Variants in GLRA3 observed in about 807,000 individuals in gnomAD.
GLRA3 encodes the protein glycine receptor alpha 3.
Under a neutral mutation model 60.4 loss-of-function variants are expected in GLRA3, and 44 were observed. The ratio of observed to expected loss-of-function variants is 0.73; its 90% CI spans 0.57 to 0.94. The LOEUF (loss-of-function observed/expected upper bound fraction) is 0.94, where lower values mean the gene tolerates loss of function less well. Ranked by LOEUF, GLRA3 falls within the 40% of genes least tolerant of loss-of-function variation. The pLI, the probability that GLRA3 is intolerant of heterozygous loss-of-function variation, is 0.00. For missense variants in GLRA3, 508 were observed against 564.6 expected (o/e 0.90, Z 1.02); for synonymous variants, 223 against 192.9 (o/e 1.16, Z -1.29).
chr4:174,751,910 T>C (rs1737504028), intron 3 of GLRA3, among the ~76,000 whole-genome samples: 1 of 152,014 alleles, frequency 6.6e-6, no homozygotes. Flanking sequence ...GGGAGGGCAA[T>C]TAGGGAAAAG....
chr4:174,728,304 G>A (rs1227144964), intron 4 of GLRA3, among the ~76,000 whole-genome samples, 171 bp downstream of exon 4: 16 of 152,028 alleles, frequency 1.1e-4, no homozygotes, highest in Admixed American at 1.0e-3. Flanking sequence ...CTGGAACTTG[G>A]GTCTGTTATT....
intron 7 of GLRA3, among the ~76,000 whole-genome samples, chr4:174,663,914 T>C (rs992466837): frequency 1.3e-5 from 2 of 152,220 alleles, no homozygotes; most frequent in African/African-American, 4.8e-5. Flanking sequence ...ATCCTAGTTC[T>C]ATATTCTGGA....
rs1370740758 is a variant in GLRA3, at chr4:174,767,079, C to T, written c.200-49G>A. The T allele has an allele frequency of 3.3e-6, 3 of 921,736 alleles. No individual in the cohort carries two copies. In the African/African-American group the frequency reaches 4.9e-5, roughly 15 times the overall value. 57.1% of individuals were successfully genotyped at this position (921,736 alleles called of 1,614,324 possible). Reference sequence around the variant, plus strand: ...GGGCTGTTTAGAGACTTATCTAAAACATTTTCAAATAATTCCTTGCATTCC... The same window carrying T: ...GGGCTGTTTAGAGACTTATCTAAAATATTTTCAAATAATTCCTTGCATTCC... On this transcript the variant is annotated intron_variant, in intron 2 of 9. Transcript: ENST00000274093.
chr4:174,801,502 ATTCC>A (rs1257549109), intron 1 of GLRA3, among the ~76,000 whole-genome samples: 2 of 152,138 alleles, frequency 1.3e-5, no homozygotes, highest in African/African-American at 2.4e-5. Context: ...CTCTTTCTGC[ATTCC>A]TTTCAAACTT....
intron 1 of GLRA3, 94 bp downstream of exon 1, chr4:174,828,647 A>T (rs1418993274): frequency 1.3e-6 from 1 of 769,820 alleles, no homozygotes; most frequent in African/African-American, 1.7e-5. Context: ...TCAATATAGA[A>T]TTGCAAATTT....
At chr4:174,808,078 G>A (rs1344058612) in intron 1 of GLRA3, among the ~76,000 whole-genome samples, 1 of 152,052 alleles carries the variant, frequency 6.6e-6, no homozygotes, top group Non-Finnish European at 1.5e-5. Context: ...GTGCAGTGAA[G>A]TATGGAATGT....
At chr4:174,729,925 T>G (rs976698761) in intron 3 of GLRA3, among the ~76,000 whole-genome samples, 1 of 152,196 alleles carries the variant, frequency 6.6e-6, no homozygotes, top group African/African-American at 2.4e-5. Context: ...AACAGGTAGA[T>G]TGCTTATGTT....
chr4:174,753,174 A>G (rs1737554320), intron 3 of GLRA3, among the ~76,000 whole-genome samples: 2 of 152,154 alleles, frequency 1.3e-5, no homozygotes, highest in Non-Finnish European at 2.9e-5. Flanking sequence ...ACTTGACAGG[A>G]CACTTGTGGC....
At chr4:174,776,847 C>T (rs550865544) in intron 2 of GLRA3, among the ~76,000 whole-genome samples, 28 of 152,198 alleles carry the variant, frequency 1.8e-4, no homozygotes, top group South Asian at 6.2e-4. Flanking sequence ...TCCACAACTT[C>T]GCATTCAAGG....
At chr4:174,685,858 AT>A (rs1734536833) in intron 5 of GLRA3, among the ~76,000 whole-genome samples, 1 of 152,178 alleles carries the variant, frequency 6.6e-6, no homozygotes, top group Admixed American at 6.5e-5. Flanking sequence ...AATATATGAG[AT>A]TGTGTCCCAA....
Position 174,824,276 on chromosome 4 carries a change from G to T in GLRA3, c.71+4465C>A, listed in dbSNP as rs190147324. Reference sequence around the variant, plus strand: ...TGGTTTCCAACTTCTAAAACAATCAGATTAAACTTTTATTCTAGTAGTGTG... The same window carrying T: ...TGGTTTCCAACTTCTAAAACAATCATATTAAACTTTTATTCTAGTAGTGTG... On this transcript the variant is annotated intron_variant, in intron 1 of 9. Transcript: ENST00000274093. Among the ~76,000 whole-genome samples, 728 of 152,242 alleles carry T rather than the reference G, an allele frequency of 4.8e-3. 6 individuals are homozygous for T. The highest frequency in any genetic ancestry group is 0.016 in the African/African-American group (661 of 41,548).
intron 3 of GLRA3, among the ~76,000 whole-genome samples, chr4:174,746,748 A>G (rs1041150787): frequency 2.0e-5 from 3 of 152,202 alleles, no homozygotes; most frequent in African/African-American, 7.2e-5. Context: ...TGGTAAACCC[A>G]TGTGAAAATG....
At chr4:174,770,119 A>G (rs541224049) in intron 2 of GLRA3, among the ~76,000 whole-genome samples, 1 of 152,086 alleles carries the variant, frequency 6.6e-6, no homozygotes, top group Non-Finnish European at 1.5e-5. Flanking sequence ...TTGCTTTTCA[A>G]CCTATTCTCT....
chr4:174,769,989 G>C (rs1738314679), intron 2 of GLRA3, among the ~76,000 whole-genome samples: 1 of 151,976 alleles, frequency 6.6e-6, no homozygotes, highest in African/African-American at 2.4e-5. Context: ...AAATAAATAG[G>C]ATGTTTCATT....
rs183903530 is a variant in GLRA3, at chr4:174,663,966, T to C, written c.928-4769A>G. 3.5e-3 allele frequency among the ~76,000 whole-genome samples: 532 copies of C among 152,288 alleles called. 5 individuals carry two copies. Among genetic ancestry groups the C allele is most frequent in the Non-Finnish European group, 3.1e-3 (209 of 68,028 alleles). On this transcript the variant is annotated intron_variant, in intron 7 of 9. Coordinates refer to ENST00000274093, the MANE Select transcript of GLRA3 (RefSeq NM_006529.4). Reference sequence around the variant, plus strand: ...ATAACTCTGTGAATACCAGTGTCTATGGAAATAAAATCTAAAGGTTTACTA... The same window carrying C: ...ATAACTCTGTGAATACCAGTGTCTACGGAAATAAAATCTAAAGGTTTACTA...
In GLRA3 at chr4:174,783,401, A is replaced by G. The variant is rs573303260; in HGVS notation, c.199+5415T>C. ...ACCTAGGCATTACCATTCAGGACAT[A>G]GGCATGGGCAAGGACTTCATGTCTA... On this transcript the variant is annotated intron_variant, in intron 2 of 9. Coordinates refer to ENST00000274093, the MANE Select transcript of GLRA3 (RefSeq NM_006529.4). 4.6e-3 allele frequency among the ~76,000 whole-genome samples: 613 copies of G among 131,832 alleles called. 19 individuals are homozygous for G. Among genetic ancestry groups the G allele is most frequent in the African/African-American group, 0.016 (590 of 36,014 alleles). The allele number at this position is 131,832 out of a possible 152,430, so 86.5% of individuals were successfully genotyped here.
chr4:174,744,923 A>G (rs1737177678), intron 3 of GLRA3, among the ~76,000 whole-genome samples: 1 of 152,186 alleles, frequency 6.6e-6, no homozygotes, highest in African/African-American at 2.4e-5. Context: ...AATTCAGGAT[A>G]TGAATGAGAA....
At chr4:174,734,719 C>T (rs148549074) in intron 3 of GLRA3, among the ~76,000 whole-genome samples, 1 of 152,168 alleles carries the variant, frequency 6.6e-6, no homozygotes, top group Non-Finnish European at 1.5e-5. Flanking sequence ...CTTCATATCT[C>T]ATTTAGTAAC....
chr4:174,682,674 C>T, intron 6 of GLRA3, 128 bp downstream of exon 6: 1 of 610,004 alleles, frequency 1.6e-6, no homozygotes, highest in South Asian at 2.9e-5. Context: ...TCAAATGCAT[C>T]CATTTTCTGC....
Sources: allele counts gnomAD v4.1 joint callset (sites outside exome capture counted in the v4.1 genomes callset), GRCh38; gene constraint gnomAD v4.1.1; transcripts MANE v1.5; gene names NCBI Gene and HGNC (gene_info 2026-07-23, HGNC 2026-07-21).